Variants in PCDHGB5 observed in about 807,000 individuals in gnomAD.
PCDHGB5 encodes the protein protocadherin gamma subfamily B, 5.
PCDHGB5 carries 48 observed loss-of-function variants against 62.9 expected under a neutral mutation model. The ratio of observed to expected loss-of-function variants is 0.76; its 90% CI spans 0.61 to 0.97. The LOEUF is 0.97. Ranked by LOEUF, PCDHGB5 falls within the 50% of genes least tolerant of loss-of-function variation. The pLI, the probability that PCDHGB5 is intolerant of heterozygous loss-of-function variation, is 0.00. For missense variants in PCDHGB5, 1,118 were observed against 1,198.6 expected, an observed-to-expected ratio of 0.93 and a Z score of 0.99; for synonymous variants, 474 against 511.2, an observed-to-expected ratio of 0.93 and a Z score of 0.98.
At chr5:141,428,184 C>A in intron 1 of PCDHGB5, 32 of 1,463,670 alleles carry the variant, frequency 2.2e-5, no homozygotes, top group Non-Finnish European at 3.0e-5. Context: ...GGAGGACAGC[C>A]GCCGCTCTCT....
chr5:141,462,393 C>A (rs1465154354), intron 1 of PCDHGB5, among the ~76,000 whole-genome samples: 4 of 152,062 alleles, frequency 2.6e-5, no homozygotes, highest in African/African-American at 9.7e-5. Flanking sequence ...GTTAACATTT[C>A]TTTTATGGCA....
intron 1 of PCDHGB5, chr5:141,410,048 C>T (rs1471679304): frequency 4.3e-6 from 7 of 1,613,042 alleles, no homozygotes; most frequent in Non-Finnish European, 4.2e-6. Flanking sequence ...TGAGCCCGGA[C>T]TCTTCAGCCT....
At chr5:141,418,987 A>T (rs1244429131) in intron 1 of PCDHGB5, 2 of 1,613,856 alleles carry the variant, frequency 1.2e-6, no homozygotes, top group Non-Finnish European at 1.7e-6. Flanking sequence ...ACCAAGACTC[A>T]GGGGAAAATG....
intron 1 of PCDHGB5, among the ~76,000 whole-genome samples, chr5:141,438,036 C>T (rs1299733977): frequency 4.6e-5 from 7 of 152,026 alleles, no homozygotes; most frequent in South Asian, 2.1e-4. Flanking sequence ...CCACCATGCC[C>T]GACCACTTTG....
intron 2 of PCDHGB5, among the ~76,000 whole-genome samples, chr5:141,497,213 G>A (rs1313220474): frequency 6.6e-6 from 1 of 152,126 alleles, no homozygotes; most frequent in Non-Finnish European, 1.5e-5. Flanking sequence ...GTGTAATGGG[G>A]GGGGGAAGAT....
chr5:141,418,840 C>A, intron 1 of PCDHGB5: 1 of 1,614,006 alleles, frequency 6.2e-7, no homozygotes, highest in Non-Finnish European at 8.5e-7. Context: ...GAGGATCTCT[C>A]TCAACACGGT....
At chr5:141,447,938 T>G in intron 1 of PCDHGB5, among the ~76,000 whole-genome samples, 1 of 151,870 alleles carries the variant, frequency 6.6e-6, no homozygotes, top group Admixed American at 6.6e-5. Flanking sequence ...ATACAAAAAT[T>G]AGCTGGGCAT....
At position 141,485,562 on chromosome 5, in the gene PCDHGB5, C is replaced by T. The variant is rs779890454; in HGVS notation, c.2398-9245C>T. 2.5e-6 allele frequency: 4 copies of T among 1,612,910 alleles called. No homozygotes were observed. Among genetic ancestry groups the T allele is most frequent in the Admixed American group, 1.7e-5 (1 of 59,996 alleles). On this transcript the variant is annotated intron_variant, in intron 1 of 3. Transcript: ENST00000617380. The surrounding 1 kb of genome is among the most constrained non-coding windows in gnomAD (Gnocchi z 5.7). ...GAGATCGTAGATGTGAATGATCACG[C>T]CCCCCGTTTTCCGCGGCAGCAGCTG... is the stretch of plus-strand genomic sequence containing the variant.
At chr5:141,441,398 G>A (rs1257981333) in intron 1 of PCDHGB5, 1 of 154,848 alleles carries the variant, frequency 6.5e-6, no homozygotes, top group Non-Finnish European at 1.4e-5. Context: ...TATAACATCA[G>A]CATCACTGCC....
Position 141,420,413 on chromosome 5 carries a change from A to G in PCDHGB5, c.2397+19889A>G, listed in dbSNP as rs191893876. 4 of 1,222,394 alleles carry G rather than the reference A, an allele frequency of 3.3e-6. No individual in the cohort carries two copies. In the Admixed American group the frequency reaches 1.1e-4, roughly 33 times the overall value. 75.7% of individuals were successfully genotyped at this position (1,222,394 alleles called of 1,614,324 possible). A position where few individuals can be genotyped will look rare whatever the true frequency, so the allele number is the denominator to read the frequency against. ...ATAGGTCAAATTTATGGTTATCATT[A>G]TTAAAACAAAAGTTTAAATTAAATG... On this transcript the variant is annotated intron_variant, in intron 1 of 3. Transcript: ENST00000617380.
In PCDHGB5 at chr5:141,432,872, C is replaced by G; in HGVS notation, c.2397+32348C>G. 4 of 1,614,192 alleles carry G rather than the reference C, an allele frequency of 2.5e-6. No individual in the cohort carries two copies. The highest frequency in any genetic ancestry group is 3.4e-6 in the Non-Finnish European group (4 of 1,180,018). ...GGTGGCCGCGGTCTCCTGCGTCTTCCTGGCCTTCGTCATCTTGCTGCTGGC... is the reference window on the plus strand; with the variant it reads ...GGTGGCCGCGGTCTCCTGCGTCTTCGTGGCCTTCGTCATCTTGCTGCTGGC... On this transcript the variant is annotated intron_variant, in intron 1 of 3. Coordinates refer to ENST00000617380, the MANE Select transcript of PCDHGB5 (RefSeq NM_018925.3). The surrounding 1 kb of genome is among the most constrained non-coding windows in gnomAD (Gnocchi z 6.0).
rs760070878 is a variant in PCDHGB5, at chr5:141,490,862, C to T, written c.2398-3945C>T. On this transcript the variant is annotated intron_variant, in intron 1 of 3. Coordinates refer to ENST00000617380, the MANE Select transcript of PCDHGB5 (RefSeq NM_018925.3). This position sits in a 1 kb window ranked among gnomAD's most constrained non-coding sequence, Gnocchi z 5.4. ...GTGGTGGGGGTTCGAGACTCCGGCTCTCCCCCATTGCATGCCAACACATCT... is the reference window on the plus strand; with the variant it reads ...GTGGTGGGGGTTCGAGACTCCGGCTTTCCCCCATTGCATGCCAACACATCT... 2.0e-5 allele frequency: 33 copies of T among 1,613,878 alleles called. No individual in the cohort carries two copies. Among genetic ancestry groups the T allele is most frequent in the Non-Finnish European group, 2.8e-5 (33 of 1,179,920 alleles).
Position 141,477,337 on chromosome 5 carries a change from C to T in PCDHGB5, c.2398-17470C>T. ...TTACTTCTTCCCTCAAGAATTACTT[C>T]ACTTTGAAAACCAGTGCAGACCTGG... On this transcript the variant is annotated intron_variant, in intron 1 of 3. Transcript: ENST00000617380. The surrounding 1 kb of genome is among the most constrained non-coding windows in gnomAD (Gnocchi z 4.9). The T allele has an allele frequency of 1.2e-6, 2 of 1,614,166 alleles. No individual in the cohort carries two copies. Among genetic ancestry groups the T allele is most frequent in the Non-Finnish European group, 1.7e-6 (2 of 1,180,028 alleles).
intron 2 of PCDHGB5, among the ~76,000 whole-genome samples, chr5:141,503,081 C>G (rs1354848667): frequency 6.6e-6 from 1 of 151,960 alleles, no homozygotes; most frequent in Non-Finnish European, 1.5e-5. Flanking sequence ...TCTCGATCTC[C>G]TGACCTCGTG....
At chr5:141,457,647 T>C (rs929739178) in intron 1 of PCDHGB5, among the ~76,000 whole-genome samples, 6 of 152,256 alleles carry the variant, frequency 3.9e-5, no homozygotes, top group Non-Finnish European at 8.8e-5. Context: ...ATTATTTGCA[T>C]GAAGTGCAGC....
intron 1 of PCDHGB5, chr5:141,405,447 T>C (rs2094668355): frequency 7.5e-7 from 1 of 1,339,134 alleles, no homozygotes; most frequent in South Asian, 1.3e-5. Flanking sequence ...TGAGACAGAG[T>C]CTTACTCTGT....
chr5:141,409,173 G>T (rs1235074997), intron 1 of PCDHGB5: 3 of 1,614,028 alleles, frequency 1.9e-6, no homozygotes. Flanking sequence ...GCGAAGGACG[G>T]AGGTGGTCTC....
At chr5:141,468,758 C>G (rs929005462) in intron 1 of PCDHGB5, among the ~76,000 whole-genome samples, 1 of 151,802 alleles carries the variant, frequency 6.6e-6, no homozygotes, top group Admixed American at 6.6e-5. Context: ...CCCAGCTACT[C>G]GGGAGGCTGA....
chr5:141,449,475 C>T (rs1351574160), intron 1 of PCDHGB5, among the ~76,000 whole-genome samples: 8 of 150,696 alleles, frequency 5.3e-5, no homozygotes, highest in African/African-American at 1.9e-4. Flanking sequence ...GGCCTGGTAC[C>T]CCATGCCTAA....
Sources: gnomAD v4.1 joint callset for allele counts (sites outside exome capture counted in the v4.1 genomes callset) on GRCh38, gnomAD v4.1.1 for gene constraint, Gnocchi (gnomAD v3.1) non-coding constraint, MANE v1.5 for transcripts, NCBI Gene and HGNC (gene_info 2026-07-23, HGNC 2026-07-21) for gene names.